Variants in TRIP12 observed in about 807,000 individuals in gnomAD.
TRIP12 encodes the protein thyroid hormone receptor interactor 12.
Under a neutral mutation model 244.2 loss-of-function variants are expected in TRIP12, and 25 were observed. The observed-to-expected ratio is 0.10, with a 90% CI of 0.07 to 0.14. The LOEUF (loss-of-function observed/expected upper bound fraction) is 0.14. TRIP12 is among the 10% of genes least tolerant of loss of function. The pLI is 1.00. For missense variants in TRIP12, 1,677 were observed against 2,486.4 expected, an observed-to-expected ratio of 0.67 and a Z score of 6.92; for synonymous variants, 905 against 873.1, an observed-to-expected ratio of 1.04 and a Z score of -0.64.
intron 1 of TRIP12, among the ~76,000 whole-genome samples, chr2:229,903,446 G>A (rs1208890365): frequency 6.6e-6 from 1 of 151,994 alleles, no homozygotes; most frequent in Non-Finnish European, 1.5e-5. Flanking sequence ...AAAACCTTAC[G>A]CATGAAGAAA....
At chr2:229,854,960 A>G (rs1259031112) in intron 4 of TRIP12, among the ~76,000 whole-genome samples, 1 of 152,188 alleles carries the variant, frequency 6.6e-6, no homozygotes. Flanking sequence ...TAAACTGGGA[A>G]TAAAAATACT....
chr2:229,820,976 T>G (rs1237698569), intron 8 of TRIP12, among the ~76,000 whole-genome samples: 1 of 152,188 alleles, frequency 6.6e-6, no homozygotes, highest in Admixed American at 6.5e-5. Flanking sequence ...TTAAAATCCA[T>G]GAATAAGTGG....
chr2:229,771,389 C>T, intron 39 of TRIP12, 130 bp downstream of exon 39: 1 of 646,654 alleles, frequency 1.5e-6, no homozygotes, highest in Non-Finnish European at 2.6e-6. Context: ...CTTTCCCAAA[C>T]ATCCATCCCC....
At chr2:229,814,108 T>G in intron 12 of TRIP12, 77 bp from the exon 13 acceptor site, 1 of 1,522,794 alleles carries the variant, frequency 6.6e-7, no homozygotes, top group Non-Finnish European at 8.9e-7. Flanking sequence ...ATAAAAAGTC[T>G]AGCACATTAC....
At position 229,802,469 on chromosome 2, in the gene TRIP12, AAC is replaced by A. The variant is rs754941029; in HGVS notation, c.2999-12_2999-11del. The A allele has an allele frequency of 1.2e-6, 2 of 1,601,872 alleles. No homozygotes were observed. Among genetic ancestry groups the A allele is most frequent in the Non-Finnish European group, 1.7e-6 (2 of 1,171,538 alleles). ...ACTTGATGCATTACACCTTTATAAT[AAC>A]AGAGATGAAAGGGAGTCAGTTTTAA... is the stretch of plus-strand genomic sequence containing the variant. On this transcript the variant is annotated splice_polypyrimidine_tract_variant and intron_variant, in intron 20 of 41. Transcript: ENST00000675903.
chr2:229,771,839 GT>G (rs2154234917), intron 38 of TRIP12, among the ~76,000 whole-genome samples: 1 of 151,388 alleles, frequency 6.6e-6, no homozygotes, highest in South Asian at 2.1e-4. Context: ...ATAACAAAAT[GT>G]AAAAAAAAAA....
At chr2:229,792,407 G>A (rs879800279) in intron 27 of TRIP12, among the ~76,000 whole-genome samples, 181 bp from the exon 28 acceptor site, 8 of 152,166 alleles carry the variant, frequency 5.3e-5, no homozygotes, top group Non-Finnish European at 1.0e-4. Flanking sequence ...TGGAATATTT[G>A]CATGTACATA....
chr2:229,827,396 G>A (rs1013179570), intron 8 of TRIP12, among the ~76,000 whole-genome samples: 1 of 151,916 alleles, frequency 6.6e-6, no homozygotes, highest in Non-Finnish European at 1.5e-5. Context: ...CAAACACAAT[G>A]AACAGCTGTA....
chr2:229,870,056 G>A (rs149114627), intron 2 of TRIP12, among the ~76,000 whole-genome samples: 3 of 152,234 alleles, frequency 2.0e-5, no homozygotes, highest in Admixed American at 6.5e-5. Context: ...GGAGTACGTC[G>A]ATTCCCCTAG....
intron 32 of TRIP12, among the ~76,000 whole-genome samples, chr2:229,787,946 G>A (rs982886644): frequency 7.9e-5 from 12 of 152,044 alleles, no homozygotes; most frequent in Non-Finnish European, 1.0e-4. Context: ...GGGATTACAG[G>A]CTCCTGACAC....
At chr2:229,851,193 G>A (rs1368838419) in intron 4 of TRIP12, among the ~76,000 whole-genome samples, 1 of 152,336 alleles carries the variant, frequency 6.6e-6, no homozygotes, top group East Asian at 1.9e-4. Flanking sequence ...GTCTGGTGGG[G>A]ACGTGGAGAA....
intron 1 of TRIP12, among the ~76,000 whole-genome samples, chr2:229,880,374 T>A (rs1576561961): frequency 6.6e-6 from 1 of 152,170 alleles, no homozygotes; most frequent in African/African-American, 2.4e-5. Flanking sequence ...TTAACTTAGA[T>A]TTCACGGAAT....
At chr2:229,864,029 AGAGAGAGAGAGAGAGAGAGTGTGTGTGT>A (rs2060951685) in intron 2 of TRIP12, among the ~76,000 whole-genome samples, 1 of 141,364 alleles carries the variant, frequency 7.1e-6, no homozygotes, top group African/African-American at 2.8e-5. Context: ...AGAGAGAGAG[AGAGAGAGAGAGAGAGAGAGTGTGTGTGT>A]GTGTGTGTGT....
chr2:229,830,776 G>T lies in TRIP12; in HGVS notation c.1334C>A (p.Ser445Tyr), dbSNP rs1247290986. 1 of 1,614,070 alleles carries T rather than the reference G, an allele frequency of 6.2e-7. No homozygotes were observed. The highest frequency in any genetic ancestry group is 2.2e-5 in the East Asian group (1 of 44,866). Reference sequence around the variant, plus strand: ...TTTACCTTGCAAACGTCCCATCTCGGAATCATCTGATTCACTCTCCCCAGA... The same window carrying T: ...TTTACCTTGCAAACGTCCCATCTCGTAATCATCTGATTCACTCTCCCCAGA... The part of the protein sequence containing the change: ...TTSGESESDD[S>Y]EMGRLQALLE... Residue 445 changes from serine (S) to tyrosine (Y), a missense_variant, in exon 7 of 42, where the codon TCC (serine) becomes TAC (tyrosine). Around this residue, in one of 11 missense-constraint regions of TRIP12, gnomAD observed 143 missense variants for 215.6 expected, o/e 0.66. Coordinates refer to ENST00000675903, the MANE Select transcript of TRIP12 (RefSeq NM_001348323.3).
chr2:229,859,443 C>T lies in TRIP12; in HGVS notation c.356G>A (p.Ser119Asn), dbSNP rs1240067317. Reference protein sequence around the residue: ...DNSRGVKRSASPDYNRTNSPS... With the variant: ...DNSRGVKRSANPDYNRTNSPS... ...AGAATTGGTCCTGTTGTAGTCTGGA[C>T]TAGCACTGCGCTTCACTCCTCGAGA... Residue 119 changes from serine to asparagine, a missense_variant, in exon 4 of 42, where the codon AGT becomes AAT. Ser to Asn is a conservative substitution (Grantham distance 46). Coordinates refer to ENST00000675903, the MANE Select transcript of TRIP12 (RefSeq NM_001348323.3). 1 of 1,614,172 alleles carries T rather than the reference C, an allele frequency of 6.2e-7. No homozygotes were observed. Among genetic ancestry groups the T allele is most frequent in the Non-Finnish European group, 8.5e-7 (1 of 1,180,036 alleles).
chr2:229,837,667 C>A (rs1433677260), intron 5 of TRIP12, among the ~76,000 whole-genome samples: 2 of 151,868 alleles, frequency 1.3e-5, no homozygotes, highest in South Asian at 4.2e-4. Flanking sequence ...ATTGAGAATG[C>A]GAGGAAGGGA....
chr2:229,883,051 A>G (rs2065199717), intron 1 of TRIP12, among the ~76,000 whole-genome samples: 1 of 152,264 alleles, frequency 6.6e-6, no homozygotes, highest in Admixed American at 6.5e-5. Context: ...AGATTAACAT[A>G]TGATGGATAC....
chr2:229,874,748 T>C (rs1229773194), intron 2 of TRIP12, among the ~76,000 whole-genome samples: 2 of 152,192 alleles, frequency 1.3e-5, no homozygotes, highest in South Asian at 4.1e-4. Context: ...ACCATGGTTA[T>C]CTCTGAGTGG....
At chr2:229,869,469 C>G (rs2062138528) in intron 2 of TRIP12, among the ~76,000 whole-genome samples, 1 of 152,190 alleles carries the variant, frequency 6.6e-6, no homozygotes, top group African/African-American at 2.4e-5. Context: ...ACTGTTGCTT[C>G]AGCCTCAGAG....
Sources: allele counts gnomAD v4.1 joint callset (sites outside exome capture counted in the v4.1 genomes callset), GRCh38; gene constraint gnomAD v4.1.1; regional missense constraint gnomAD v4.1.1; transcripts MANE v1.5; gene names NCBI Gene and HGNC (gene_info 2026-07-23, HGNC 2026-07-21).